Variants in PTPN12 observed in about 807,000 individuals in gnomAD.
PTPN12 encodes tyrosine-protein phosphatase non-receptor type 12.
Under a neutral mutation model 97.6 loss-of-function variants are expected in PTPN12, and 29 were observed. The ratio of observed to expected loss-of-function variants is 0.30; its 90% confidence interval spans 0.22 to 0.41. PTPN12 has a LOEUF of 0.41. Ranked by LOEUF, PTPN12 falls within the 10% of genes least tolerant of loss-of-function variation. The pLI, the probability that PTPN12 is intolerant of heterozygous loss-of-function variation, is 1.00. For synonymous variants in PTPN12, 327 were observed against 300.4 expected (o/e 1.09, Z -0.91); for missense variants, 819 against 926.0 (o/e 0.88, Z 1.50).
chr7:77,623,894 A>C lies in PTPN12; in HGVS notation c.1026-2811A>C, dbSNP rs185041066. ...CTATTGGTCTTTGCATATGCTTTAT[A>C]AATTGTAGGAGGTGTCTGCAATTAT... On this transcript the variant is annotated intron_variant, in intron 12 of 17. Transcript: ENST00000248594. 2.6e-4 allele frequency among the ~76,000 whole-genome samples: 40 copies of C among 152,280 alleles called. No individual in the cohort carries two copies. In the East Asian group the frequency reaches 7.7e-3, roughly 29 times the overall value.
At chr7:77,604,209 C>CTTTTTTTTTTTT (rs71082768) in intron 8 of PTPN12, among the ~76,000 whole-genome samples, 7 of 52,790 alleles carry the variant, frequency 1.3e-4, no homozygotes, top group African/African-American at 2.6e-4. Context: ...TTTTTTCTTC[C>CTTTTTTTTTTTT]TTTTTTTTTT....
chr7:77,602,064 G>C (rs1490277585), intron 8 of PTPN12, among the ~76,000 whole-genome samples: 1 of 151,988 alleles, frequency 6.6e-6, no homozygotes, highest in Non-Finnish European at 1.5e-5. Flanking sequence ...TTGAAGTTCA[G>C]TTAGGTTTTG....
chr7:77,563,666 CA>C (rs1170757849), intron 1 of PTPN12, among the ~76,000 whole-genome samples: 2 of 152,030 alleles, frequency 1.3e-5, no homozygotes, highest in Non-Finnish European at 2.9e-5. Context: ...CTGTTTACTT[CA>C]AAGTTACTTT....
intron 14 of PTPN12, among the ~76,000 whole-genome samples, chr7:77,634,052 T>C (rs1381196157): frequency 1.3e-5 from 2 of 151,924 alleles, no homozygotes; most frequent in African/African-American, 2.4e-5. Flanking sequence ...AACAAAAAAT[T>C]AGCCAGGTGT....
intron 12 of PTPN12, among the ~76,000 whole-genome samples, chr7:77,622,847 A>G (rs1205760701): frequency 6.6e-6 from 1 of 151,912 alleles, no homozygotes; most frequent in Non-Finnish European, 1.5e-5. Flanking sequence ...AAGGAACTCC[A>G]TTTTCCAATA....
intron 8 of PTPN12, 66 bp from the exon 9 acceptor site, chr7:77,607,169 A>G (rs532708247): frequency 4.0e-6 from 5 of 1,244,878 alleles, no homozygotes; most frequent in East Asian, 2.4e-5. Context: ...TAACATGTCT[A>G]TCCACATTTA....
At chr7:77,581,837 AG>A (rs1787525579) in intron 3 of PTPN12, among the ~76,000 whole-genome samples, 1 of 152,140 alleles carries the variant, frequency 6.6e-6, no homozygotes, top group Non-Finnish European at 1.5e-5. Context: ...TGACCCATAT[AG>A]GTTGTTTCCA....
At chr7:77,582,870 T>A (rs1787567830) in intron 3 of PTPN12, among the ~76,000 whole-genome samples, 1 of 152,218 alleles carries the variant, frequency 6.6e-6, no homozygotes, top group African/African-American at 2.4e-5. Context: ...TTTCTTTTTT[T>A]AACAAAGTTA....
Position 77,618,501 on chromosome 7 carries a change from A to G in PTPN12, c.961A>G (p.Met321Val), listed in dbSNP as rs1242643376. The G allele has an allele frequency of 3.1e-6, 5 of 1,602,812 alleles. No individual in the cohort carries two copies. Among genetic ancestry groups the G allele is most frequent in the Non-Finnish European group, 4.3e-6 (5 of 1,172,610 alleles). Residue 321 changes from methionine (M) to valine (V), a missense_variant, in exon 12 of 18, where the codon ATG (methionine) becomes GTG (valine). Transcript: ENST00000248594. ...GCAGAATGAAATTAACACTGAAAAC[A>G]TGGTCAGCTCCATAGAGCCTGAAAA... ...DGVNEINTEN[M>V]VSSIEPEKQD...
intron 2 of PTPN12, among the ~76,000 whole-genome samples, chr7:77,576,341 C>T (rs955380542): frequency 6.6e-6 from 1 of 152,016 alleles, no homozygotes; most frequent in Non-Finnish European, 1.5e-5. Flanking sequence ...GCTAGCAAAA[C>T]CATGGAGAGG....
At chr7:77,612,274 C>T (rs771212597) in intron 11 of PTPN12, among the ~76,000 whole-genome samples, 3 of 152,082 alleles carry the variant, frequency 2.0e-5, no homozygotes, top group East Asian at 1.9e-4. Flanking sequence ...GACAATTTCA[C>T]GTTTTTAAGT....
At chr7:77,551,041 T>C (rs1807456420) in intron 1 of PTPN12, among the ~76,000 whole-genome samples, 2 of 151,746 alleles carry the variant, frequency 1.3e-5, no homozygotes, top group Non-Finnish European at 3.0e-5. Flanking sequence ...CCCACTTGTT[T>C]ATTTATTTAT....
At chr7:77,604,748 CTTT>C (rs1240558115) in intron 8 of PTPN12, 2 of 206,414 alleles carry the variant, frequency 9.7e-6, no homozygotes, top group African/African-American at 4.7e-5. Context: ...CATAGATTTA[CTTT>C]TTAACATTTA....
intron 5 of PTPN12, among the ~76,000 whole-genome samples, chr7:77,591,209 A>G (rs1037284502): frequency 3.9e-5 from 6 of 152,220 alleles, no homozygotes; most frequent in African/African-American, 1.2e-4. Context: ...CATTCAGCCT[A>G]TAGGTAATAA....
chr7:77,552,322 A>G (rs1407400051), intron 1 of PTPN12, among the ~76,000 whole-genome samples: 1 of 151,618 alleles, frequency 6.6e-6, no homozygotes, highest in Non-Finnish European at 1.5e-5. Flanking sequence ...TTGAAAATGC[A>G]ACTTAAACTA....
intron 4 of PTPN12, chr7:77,585,333 A>C (rs928463118): frequency 3.2e-5 from 14 of 437,886 alleles, no homozygotes; most frequent in African/African-American, 2.2e-4. Flanking sequence ...AATTGGAACC[A>C]ATTTAATTTG....
At chr7:77,588,794 T>A (rs981115672) in intron 5 of PTPN12, among the ~76,000 whole-genome samples, 6 of 152,156 alleles carry the variant, frequency 3.9e-5, no homozygotes, top group African/African-American at 1.4e-4. Flanking sequence ...TATTTTTAAA[T>A]AGGAATAAAA....
Position 77,600,648 on chromosome 7 carries a change from T to C in PTPN12, c.553-16T>C, listed in dbSNP as rs750098769. ...AAAGTATTTTCATAATTGTTGACTT[T>C]CTGTTTTTCTTGAAGGAATCTCGTA... On this transcript the variant is annotated splice_polypyrimidine_tract_variant and intron_variant, in intron 7 of 17. Transcript: ENST00000248594. 4 of 1,571,422 alleles carry C rather than the reference T, an allele frequency of 2.5e-6. No homozygotes were observed. The South Asian group carries it at 3.6e-5, about 14-fold the overall frequency.
rs766492032 is a variant in PTPN12 at position 77,581,520 on chromosome 7, A to G, written c.285+17A>G. 2 of 1,467,442 alleles carry G rather than the reference A, an allele frequency of 1.4e-6. No homozygotes were observed. The highest frequency in any genetic ancestry group is 3.9e-5 in the Admixed American group (2 of 51,748). 90.9% of individuals were successfully genotyped at this position (1,467,442 alleles called of 1,614,324 possible). A position where few individuals can be genotyped will look rare whatever the true frequency, so the allele number is the denominator to read the frequency against. ...TTTATAAAGGTATGTACTAACTTTAAATGGTGTTTCTCTGCCATATTAATG... is the reference window on the plus strand; with the variant it reads ...TTTATAAAGGTATGTACTAACTTTAGATGGTGTTTCTCTGCCATATTAATG... On this transcript the variant is annotated intron_variant, in intron 3 of 17. Coordinates refer to ENST00000248594, the MANE Select transcript of PTPN12 (RefSeq NM_002835.4).
Sources: allele counts gnomAD v4.1 joint callset (sites outside exome capture counted in the v4.1 genomes callset), GRCh38; gene constraint gnomAD v4.1.1; transcripts MANE v1.5; gene names NCBI Gene and HGNC (gene_info 2026-07-23, HGNC 2026-07-21).